CPM: variants seen among roughly 807,000 people sequenced by gnomAD.
CPM encodes carboxypeptidase M, also known as renal carboxypeptidase.
Under a neutral mutation model 46.4 loss-of-function variants are expected in CPM, and 35 were observed. The ratio of observed to expected loss-of-function variants is 0.75; its 90% CI spans 0.58 to 1.00. The LOEUF is 1.00. CPM is among the 50% of genes least tolerant of loss of function. The pLI, the probability that CPM is intolerant of heterozygous loss-of-function variation, is 0.00. For missense variants in CPM, 422 were observed against 530.4 expected (o/e 0.80, Z 2.01); for synonymous variants, 195 against 195.3 (o/e 1.00, Z 0.01).
At chr12:68,892,336 C>T (rs953441071) in intron 2 of CPM, among the ~76,000 whole-genome samples, 4 of 152,088 alleles carry the variant, frequency 2.6e-5, no homozygotes, top group South Asian at 2.1e-4. Flanking sequence ...AGGAGGGAGT[C>T]GAGGGGCACA....
At chr12:68,890,368 TA>T (rs10564575) in intron 2 of CPM, among the ~76,000 whole-genome samples, 19,067 of 144,280 alleles carry the variant, frequency 0.13, 1,191 homozygotes, top group Middle Eastern at 0.21. Flanking sequence ...TTTTTTAATT[TA>T]AAAAAAAAAA....
intron 1 of CPM, among the ~76,000 whole-genome samples, chr12:68,947,262 A>G (rs1211525628): frequency 1.3e-5 from 2 of 152,226 alleles, no homozygotes; most frequent in Admixed American, 6.5e-5. Flanking sequence ...TTTATTTTAC[A>G]TAGTCATGTA....
chr12:68,872,304 G>C (rs1885740157), intron 3 of CPM, among the ~76,000 whole-genome samples: 1 of 146,338 alleles, frequency 6.8e-6, no homozygotes, highest in East Asian at 2.0e-4. Flanking sequence ...CCAGGCTGGA[G>C]TGCATTGGCG....
chr12:68,939,087 CATATGTATCTAT>C (rs1192055728), intron 1 of CPM, among the ~76,000 whole-genome samples: 2 of 145,438 alleles, frequency 1.4e-5, no homozygotes, highest in Non-Finnish European at 3.0e-5. Context: ...TATGTATACA[CATATGTATCTAT>C]ATATACATTT....
chr12:68,954,892 A>G lies in CPM; in HGVS notation c.-4+8277T>C, dbSNP rs1888987611. 3.9e-5 allele frequency among the ~76,000 whole-genome samples: 6 copies of G among 152,270 alleles called. 1 individual carries two copies. In the South Asian group the frequency reaches 1.2e-3, roughly 32 times the overall value. The stretch of plus-strand genomic sequence containing the variant: ...ATGAAAAGTCCCCTCATCCAGACAC[A>G]GGTGTCTGCAGCAGAAGCCATGTGC... On this transcript the variant is annotated intron_variant, in intron 1 of 8. Coordinates refer to the CPM transcript ENST00000546373.
chr12:68,869,933 T>C (rs1176939030), intron 5 of CPM, among the ~76,000 whole-genome samples: 1 of 152,210 alleles, frequency 6.6e-6, no homozygotes. Flanking sequence ...ATGTTGTCTC[T>C]TGTCAGAGAA....
chr12:68,948,526 TG>T (rs1014690691), intron 1 of CPM, among the ~76,000 whole-genome samples: 56 of 152,086 alleles, frequency 3.7e-4, no homozygotes, highest in Non-Finnish European at 6.2e-4. Context: ...TTGGGGGTTT[TG>T]GGGGGAGGGT....
At chr12:68,842,646 C>T in intron 5 of CPM, 2 of 237,156 alleles carry the variant, frequency 8.4e-6, no homozygotes, top group Non-Finnish European at 1.7e-5. Context: ...GTTAATGGTA[C>T]TAGACAACAT....
chr12:68,863,324 C>T (rs1353803219), intron 7 of CPM, among the ~76,000 whole-genome samples: 1 of 152,192 alleles, frequency 6.6e-6, no homozygotes, highest in East Asian at 1.9e-4. Context: ...AGGCAGGTAA[C>T]ACCGTGTCTG....
chr12:68,871,670 C>A, intron 4 of CPM, 114 bp downstream of exon 4: 1 of 1,123,242 alleles, frequency 8.9e-7, no homozygotes, highest in Admixed American at 2.2e-5. Flanking sequence ...GACATGACAC[C>A]GGCTCTGAGG....
At chr12:68,956,600 C>A (rs1224097520) in intron 1 of CPM, among the ~76,000 whole-genome samples, 2 of 152,212 alleles carry the variant, frequency 1.3e-5, no homozygotes, top group East Asian at 3.9e-4. Context: ...TCATCACAAC[C>A]CATTGGCCGA....
intron 3 of CPM, among the ~76,000 whole-genome samples, chr12:68,872,306 G>A (rs926890082): frequency 2.1e-5 from 3 of 142,408 alleles, no homozygotes; most frequent in African/African-American, 7.8e-5. Flanking sequence ...AGGCTGGAGT[G>A]CATTGGCGCG....
chr12:68,901,537 A>G (rs2136278724), intron 2 of CPM, among the ~76,000 whole-genome samples: 1 of 152,354 alleles, frequency 6.6e-6, no homozygotes, highest in East Asian at 1.9e-4. Flanking sequence ...ATTTGGAAAA[A>G]AAATCATGTG....
chr12:68,925,290 T>C (rs752171337), intron 2 of CPM, among the ~76,000 whole-genome samples: 1 of 151,986 alleles, frequency 6.6e-6, no homozygotes, highest in Non-Finnish European at 1.5e-5. Flanking sequence ...TGGGTATGTA[T>C]TAATAATAAT....
At chr12:68,958,204 C>A (rs1385288169) in intron 1 of CPM, among the ~76,000 whole-genome samples, 7 of 152,052 alleles carry the variant, frequency 4.6e-5, no homozygotes, top group Non-Finnish European at 7.4e-5. Context: ...TGGATATATA[C>A]CCAGTAATGG....
chr12:68,948,226 G>T (rs1888878496), intron 1 of CPM, among the ~76,000 whole-genome samples: 1 of 152,148 alleles, frequency 6.6e-6, no homozygotes, highest in South Asian at 2.1e-4. Flanking sequence ...GAATATAGGG[G>T]TCAGATAAAT....
At chr12:68,917,284 A>G (rs1309126890) in intron 2 of CPM, among the ~76,000 whole-genome samples, 1 of 152,210 alleles carries the variant, frequency 6.6e-6, no homozygotes, top group Non-Finnish European at 1.5e-5. Flanking sequence ...AGCTAATGAC[A>G]TCTGCGTTTA....
At chr12:68,952,167 A>G (rs954815511) in intron 1 of CPM, among the ~76,000 whole-genome samples, 3 of 152,220 alleles carry the variant, frequency 2.0e-5, no homozygotes, top group African/African-American at 7.2e-5. Context: ...GGGAAAGCCT[A>G]TCTTATTTTA....
intron 1 of CPM, among the ~76,000 whole-genome samples, chr12:68,955,291 G>A (rs1050397155): frequency 4.6e-5 from 7 of 152,134 alleles, no homozygotes; most frequent in African/African-American, 7.2e-5. Context: ...AAATCTTTAC[G>A]AAGCTCATTT....
Sources: gnomAD v4.1 joint callset for allele counts (sites outside exome capture counted in the v4.1 genomes callset) on GRCh38, gnomAD v4.1.1 for gene constraint, MANE v1.5 for transcripts, NCBI Gene and HGNC (gene_info 2026-07-23, HGNC 2026-07-21) for gene names.